The following AOX1 variants were observed in gnomAD, a reference collection of about 807,000 sequenced individuals.
AOX1 encodes aldehyde oxidase 1.
AOX1 carries 153 observed loss-of-function variants against 169.5 expected under a neutral mutation model. The ratio of observed to expected loss-of-function variants is 0.90; its 90% CI spans 0.79 to 1.03. The LOEUF (loss-of-function observed/expected upper bound fraction) is 1.03. Among genes scored for constraint, AOX1 ranks in the 50% least tolerant of loss-of-function variants. The pLI is 0.00. For synonymous variants in AOX1, 562 were observed against 581.9 expected (o/e 0.97, Z 0.49); for missense variants, 1,656 against 1,663.9 (o/e 1.00, Z 0.08).
chr2:200,662,775 A>T, intron 30 of AOX1, 80 bp from the exon 31 acceptor site: 1 of 1,109,370 alleles, frequency 9.0e-7, no homozygotes, highest in Non-Finnish European at 1.4e-6. Context: ...GGCTTGCATA[A>T]ATCCTCATGG....
In AOX1 at chr2:200,642,643, G is replaced by A; in HGVS notation, c.2689G>A (p.Ala897Thr). Residue 897 changes from alanine to threonine, a missense_variant, in exon 25 of 35, where the codon GCT (alanine) becomes ACT (threonine). Coordinates refer to ENST00000374700, the MANE Select transcript of AOX1 (RefSeq NM_001159.4). ...IEMGLLKMDN[A>T]YKFPNLRCRG... ...AATGGGACTTCTGAAAATGGACAAT[G>A]CTTACAAGTTTCCCAATCTCCGCTG... 6.2e-7 allele frequency: 1 copy of A among 1,614,112 alleles called. No individual in the cohort carries two copies. The highest frequency in any genetic ancestry group is 8.5e-7 in the Non-Finnish European group (1 of 1,179,998).
Position 200,671,287 on chromosome 2 carries a change from A to T in AOX1, c.*608A>T, listed in dbSNP as rs891001157. On this transcript the variant is annotated 3_prime_UTR_variant, in exon 35 of 35. Coordinates refer to ENST00000374700, the MANE Select transcript of AOX1 (RefSeq NM_001159.4). ...ATTTGTAAATCATATATTTGATAAA[A>T]GTCTTGTAACCAGATACATAAAGAG... 6.6e-6 allele frequency: 1 copy of T among 152,222 alleles called. No individual in the cohort carries two copies. 9.4% of individuals were successfully genotyped at this position (152,222 alleles called of 1,614,324 possible). A position where few individuals can be genotyped will look rare whatever the true frequency, so the allele number is the denominator to read the frequency against.
At position 200,652,834 on chromosome 2, in the gene AOX1, A is replaced by G. The variant is rs142659436; in HGVS notation, c.3075+1633A>G. Among the ~76,000 whole-genome samples, 16 of 152,294 alleles carry G rather than the reference A, an allele frequency of 1.1e-4. No homozygotes were observed. In the East Asian group the frequency reaches 2.9e-3, roughly 28 times the overall value. ...AATCCCAACACTTTGGGAGGCCAAGACAGGAGAATTGCTTGAGGCCAGAAG... is the reference window on the plus strand; with the variant it reads ...AATCCCAACACTTTGGGAGGCCAAGGCAGGAGAATTGCTTGAGGCCAGAAG... On this transcript the variant is annotated intron_variant, in intron 26 of 34. Transcript: ENST00000374700.
At chr2:200,668,215 C>T (rs573713204) in intron 32 of AOX1, among the ~76,000 whole-genome samples, 2 of 152,004 alleles carry the variant, frequency 1.3e-5, no homozygotes, top group South Asian at 4.2e-4. Context: ...AAGCGATTCT[C>T]CTGCCTCAGC....
intron 26 of AOX1, 99 bp from the exon 27 acceptor site, chr2:200,656,743 T>G: frequency 1.1e-6 from 1 of 900,236 alleles, no homozygotes; most frequent in Non-Finnish European, 1.6e-6. Flanking sequence ...GGGTGCGGGA[T>G]TCTTGGAGGG....
rs1045723122 is a variant in AOX1, at chr2:200,590,307, G to A, written c.46-2839G>A. Among the ~76,000 whole-genome samples, 5 of 152,148 alleles carry A rather than the reference G, an allele frequency of 3.3e-5. No individual in the cohort carries two copies. The East Asian group carries it at 9.6e-4, about 29-fold the overall frequency. The stretch of plus-strand genomic sequence containing the variant: ...AACTTGGACTCTCCCAAAAGGGCTG[G>A]CAGTGATACAGAGGGGCAGATTCCA... On this transcript the variant is annotated intron_variant, in intron 1 of 34. Coordinates refer to ENST00000374700, the MANE Select transcript of AOX1 (RefSeq NM_001159.4).
chr2:200,599,437 A>G (rs895322148), intron 4 of AOX1, among the ~76,000 whole-genome samples, 183 bp from the exon 5 acceptor site: 6 of 152,310 alleles, frequency 3.9e-5, no homozygotes, highest in African/African-American at 1.2e-4. Flanking sequence ...ATAAGGCCCA[A>G]CCTCACAACA....
downstream of AOX1, among the ~76,000 whole-genome samples, chr2:200,679,828 T>C (rs966747705): frequency 1.4e-4 from 21 of 152,172 alleles, no homozygotes; most frequent in African/African-American, 4.3e-4. Flanking sequence ...ACACCTGTAA[T>C]CCTGGCACTT....
chr2:200,627,371 T>C lies in AOX1; in HGVS notation c.2143T>C (p.Ser715Pro). Residue 715 changes from serine to proline, a missense_variant, in exon 20 of 35, where the codon TCC becomes CCC. By Grantham distance (74) the Ser-to-Pro change is moderately conservative. Transcript: ENST00000374700. ...LTIEESIQHN[S>P]SFKPERKLEY... ...TTTCTAGGAAAGTATACAACACAAC[T>C]CCTCCTTCAAGCCAGAAAGGAAACT... 1 of 1,613,116 alleles carries C rather than the reference T, an allele frequency of 6.2e-7. No individual in the cohort carries two copies. The highest frequency in any genetic ancestry group is 8.5e-7 in the Non-Finnish European group (1 of 1,179,400).
intron 26 of AOX1, among the ~76,000 whole-genome samples, chr2:200,651,873 C>A (rs879565936): frequency 2.0e-5 from 3 of 152,116 alleles, no homozygotes; most frequent in Non-Finnish European, 4.4e-5. Flanking sequence ...TTACCCCTAA[C>A]GGCTGGTGAA....
chr2:200,658,198 A>T (rs1255862525), intron 27 of AOX1, among the ~76,000 whole-genome samples: 2 of 152,364 alleles, frequency 1.3e-5, no homozygotes, highest in Non-Finnish European at 2.9e-5. Flanking sequence ...ACACATTATC[A>T]AATTGTTTTC....
At chr2:200,624,057 G>A in intron 19 of AOX1, 74 bp downstream of exon 19, 1 of 1,587,996 alleles carries the variant, frequency 6.3e-7, no homozygotes, top group Non-Finnish European at 8.6e-7. Context: ...TTTGGCTACT[G>A]TAACAGGAAA....
At chr2:200,592,565 A>G (rs1270986218) in intron 1 of AOX1, among the ~76,000 whole-genome samples, 1 of 152,292 alleles carries the variant, frequency 6.6e-6, no homozygotes, top group South Asian at 2.1e-4. Flanking sequence ...GGCTGCTCCC[A>G]TGAACTTGCC....
chr2:200,622,980 C>T (rs1204375716), intron 18 of AOX1, among the ~76,000 whole-genome samples: 1 of 152,156 alleles, frequency 6.6e-6, no homozygotes, highest in Non-Finnish European at 1.5e-5. Context: ...TGCCCCTACC[C>T]CAAACAAACA....
intron 20 of AOX1, among the ~76,000 whole-genome samples, chr2:200,632,845 G>A (rs1436325242): frequency 1.3e-5 from 2 of 150,836 alleles, no homozygotes; most frequent in African/African-American, 2.4e-5. Flanking sequence ...GGCCTCCATG[G>A]TTCCTGAAGA....
At chr2:200,600,678 AC>A (rs1161581907) in intron 5 of AOX1, among the ~76,000 whole-genome samples, 1 of 152,162 alleles carries the variant, frequency 6.6e-6, no homozygotes, top group Non-Finnish European at 1.5e-5. Context: ...GAAAACCAGA[AC>A]AAATGGATGT....
intron 1 of AOX1, among the ~76,000 whole-genome samples, chr2:200,591,475 A>G (rs2034170999): frequency 6.6e-6 from 1 of 152,238 alleles, no homozygotes; most frequent in East Asian, 1.9e-4. Flanking sequence ...ATGCAAATGC[A>G]GTGAAGGTGA....
rs2034467399 is a variant in AOX1, at chr2:200,604,085, T to C, written c.657T>C (p.Pro219=). 4 of 1,610,648 alleles carry C rather than the reference T, an allele frequency of 2.5e-6. No individual in the cohort carries two copies. Reference sequence around the variant, plus strand: ...ATCCAACCCAGGAACTGATATTTCCTCCTGAGCTAATGGTGAGTAAAGCAA... The same window carrying C: ...ATCCAACCCAGGAACTGATATTTCCCCCTGAGCTAATGGTGAGTAAAGCAA... ...PLDPTQELIF[P]PELMIMAEKQ... The change falls in exon 8 of 35, where the codon CCT becomes CCC. Residue 219 remains proline (P), a synonymous_variant. Transcript: ENST00000374700.
intron 25 of AOX1, 74 bp from the exon 26 acceptor site, chr2:200,650,900 A>G (rs1417231396): frequency 4.3e-6 from 6 of 1,393,254 alleles, no homozygotes; most frequent in Non-Finnish European, 6.0e-6. Context: ...GAATTTGACC[A>G]GGAGGATGGT....
Sources: allele counts gnomAD v4.1 joint callset (sites outside exome capture counted in the v4.1 genomes callset), GRCh38; gene constraint gnomAD v4.1.1; transcripts MANE v1.5; gene names NCBI Gene and HGNC (gene_info 2026-07-23, HGNC 2026-07-21).